Variants in DTNA observed in about 807,000 individuals in gnomAD.
DTNA encodes the protein dystrophin-related protein 3.
A neutral mutation model predicts 100.7 loss-of-function variants in DTNA; 43 were observed. The observed-to-expected ratio is 0.43, with a 90% CI of 0.33 to 0.55. The LOEUF (loss-of-function observed/expected upper bound fraction) is 0.55. Among genes scored for constraint, DTNA ranks in the 20% least tolerant of loss-of-function variants. The probability of loss-of-function intolerance (pLI) is 0.04; values close to 1 mark genes in which losing one functional copy is unlikely to be tolerated. For missense variants in DTNA, 798 were observed against 953.9 expected, an observed-to-expected ratio of 0.84 and a Z score of 2.15; for synonymous variants, 349 against 347.9, an observed-to-expected ratio of 1.00 and a Z score of -0.04.
At chr18:34,532,042 A>T (rs2043189838) in intron 1 of DTNA, among the ~76,000 whole-genome samples, 2 of 152,144 alleles carry the variant, frequency 1.3e-5, no homozygotes, top group Non-Finnish European at 2.9e-5. Flanking sequence ...GCATTCACAG[A>T]GTACCTCCTA....
chr18:34,820,756 G>T, intron 8 of DTNA, 35 bp from the exon 9 acceptor site: 1 of 1,613,754 alleles, frequency 6.2e-7, no homozygotes, highest in South Asian at 1.1e-5. Context: ...ATAAATATTA[G>T]CTGTTGTCAC....
intron 1 of DTNA, among the ~76,000 whole-genome samples, chr18:34,725,691 G>A (rs1017818963): frequency 6.6e-5 from 10 of 152,168 alleles, no homozygotes; most frequent in Non-Finnish European, 1.2e-4. Context: ...ACAGTGTGGC[G>A]ATTCCTCAAG....
intron 1 of DTNA, among the ~76,000 whole-genome samples, chr18:34,685,398 GT>G (rs1237111905): frequency 6.6e-6 from 1 of 152,006 alleles, no homozygotes; most frequent in Non-Finnish European, 1.5e-5. Context: ...AATAGGGAAT[GT>G]TTTCCCCATT....
chr18:34,755,143 G>A (rs1293510956), intron 1 of DTNA, among the ~76,000 whole-genome samples: 1 of 152,160 alleles, frequency 6.6e-6, no homozygotes, highest in African/African-American at 2.4e-5. Flanking sequence ...TTAATTAGAT[G>A]CAATAAAAAG....
intron 17 of DTNA, among the ~76,000 whole-genome samples, chr18:34,871,686 G>A (rs1015576239): frequency 1.3e-5 from 2 of 152,152 alleles, no homozygotes; most frequent in Non-Finnish European, 1.5e-5. Flanking sequence ...AATGCCAAGA[G>A]GCCACTGCCT....
intron 1 of DTNA, among the ~76,000 whole-genome samples, chr18:34,569,205 G>A (rs190410610): frequency 8.2e-4 from 125 of 152,230 alleles, no homozygotes; most frequent in African/African-American, 2.8e-3. Flanking sequence ...AGAAATGTGT[G>A]TACAGGAGAA....
At chr18:34,631,971 C>T (rs1461114674) in intron 1 of DTNA, among the ~76,000 whole-genome samples, 1 of 152,172 alleles carries the variant, frequency 6.6e-6, no homozygotes, top group Non-Finnish European at 1.5e-5. Flanking sequence ...TTGCATACTA[C>T]TTTGCACCAT....
At chr18:34,785,913 A>C (rs2148889482) in intron 3 of DTNA, among the ~76,000 whole-genome samples, 1 of 152,310 alleles carries the variant, frequency 6.6e-6, no homozygotes, top group Middle Eastern at 3.4e-3. Flanking sequence ...GTATGAGAGA[A>C]GTTATAAGAC....
intron 1 of DTNA, among the ~76,000 whole-genome samples, chr18:34,529,488 T>C (rs1460420164): frequency 6.6e-6 from 1 of 152,090 alleles, no homozygotes; most frequent in Non-Finnish European, 1.5e-5. Flanking sequence ...TGCCTCAAGA[T>C]TTCCAGCACC....
intron 1 of DTNA, among the ~76,000 whole-genome samples, chr18:34,555,885 T>G: frequency 6.6e-6 from 1 of 152,134 alleles, no homozygotes. Flanking sequence ...GTCTATTAGG[T>G]CCGCTTGGTG....
chr18:34,821,431 G>A (rs117078076), intron 9 of DTNA: 12 of 451,596 alleles, frequency 2.7e-5, no homozygotes, highest in East Asian at 1.4e-4. Flanking sequence ...GGGGAGTGGC[G>A]GGAAAATTTA....
intron 1 of DTNA, among the ~76,000 whole-genome samples, chr18:34,508,899 C>T (rs2040761822): frequency 6.6e-6 from 1 of 151,972 alleles, no homozygotes; most frequent in Admixed American, 6.6e-5. Context: ...ATGTCTTTTT[C>T]TGTGTGAGCT....
At chr18:34,805,003 T>G (rs56380733) in intron 4 of DTNA, among the ~76,000 whole-genome samples, 18,896 of 152,192 alleles carry the variant, frequency 0.12, 1,280 homozygotes, top group African/African-American at 0.17. Flanking sequence ...TCATATAAAT[T>G]ATTTATTCCA....
intron 17 of DTNA, among the ~76,000 whole-genome samples, chr18:34,874,661 G>C (rs2096797679): frequency 6.6e-6 from 1 of 152,072 alleles, no homozygotes; most frequent in Non-Finnish European, 1.5e-5. Context: ...TTCCCCATTG[G>C]AATCCCTGAG....
At chr18:34,628,757 A>G (rs1487875213) in intron 1 of DTNA, among the ~76,000 whole-genome samples, 8 of 152,172 alleles carry the variant, frequency 5.3e-5, no homozygotes, top group South Asian at 4.1e-4. Context: ...AACTCTGTAC[A>G]TTCTTTTTTT....
intron 17 of DTNA, among the ~76,000 whole-genome samples, chr18:34,874,409 C>T (rs2096795087): frequency 6.6e-6 from 1 of 152,210 alleles, no homozygotes; most frequent in Non-Finnish European, 1.5e-5. Flanking sequence ...TTCCAAGGCA[C>T]CTCATTTAGA....
chr18:34,668,636 C>T (rs2076291055), intron 1 of DTNA, among the ~76,000 whole-genome samples: 1 of 152,066 alleles, frequency 6.6e-6, no homozygotes, highest in Non-Finnish European at 1.5e-5. Context: ...TCTTTGTTCT[C>T]GTTGGTTTCA....
At chr18:34,578,022 A>G (rs745668134) in intron 1 of DTNA, among the ~76,000 whole-genome samples, 4 of 147,812 alleles carry the variant, frequency 2.7e-5, no homozygotes, top group Non-Finnish European at 4.5e-5. Flanking sequence ...CTGTACTTTT[A>G]GTTCTTTAAG....
At chr18:34,872,724 A>G (rs79281212) in intron 17 of DTNA, among the ~76,000 whole-genome samples, 226 of 152,344 alleles carry the variant, frequency 1.5e-3, no homozygotes, top group South Asian at 2.7e-3. Context: ...TGCCTGGCCC[A>G]GTAGCAGGAA....
Sources: gnomAD v4.1 joint callset for allele counts (sites outside exome capture counted in the v4.1 genomes callset) on GRCh38, gnomAD v4.1.1 for gene constraint, MANE v1.5 for transcripts, NCBI Gene and HGNC (gene_info 2026-07-23, HGNC 2026-07-21) for gene names.